The following LCA5L variants were observed in gnomAD, a reference collection of about 807,000 sequenced individuals.
The protein encoded by LCA5L is lebercilin-like protein.
Under a neutral mutation model 45.4 loss-of-function variants are expected in LCA5L, and 35 were observed. The ratio of observed to expected loss-of-function variants is 0.77; its 90% confidence interval spans 0.59 to 1.02. LCA5L has a LOEUF of 1.02. LCA5L is among the 50% of genes least tolerant of loss of function. The probability of loss-of-function intolerance (pLI) is 0.00; values close to 1 mark genes in which losing one functional copy is unlikely to be tolerated. For synonymous variants in LCA5L, 233 were observed against 264.7 expected (o/e 0.88, Z 1.16); for missense variants, 668 against 761.6 (o/e 0.88, Z 1.45).
chr21:39,405,756 G>A lies in LCA5L; in HGVS notation c.*126C>T, dbSNP rs1181915897. On this transcript the variant is annotated 3_prime_UTR_variant, in exon 11 of 11. Coordinates refer to ENST00000288350, the MANE Select transcript of LCA5L (RefSeq NM_152505.4). Reference sequence around the variant, plus strand: ...GCAATCAAACAAAAATTTAATTATCGAAAGTCAATTAAGTACTAAAACACA... The same window carrying A: ...GCAATCAAACAAAAATTTAATTATCAAAAGTCAATTAAGTACTAAAACACA... The A allele has an allele frequency of 4.7e-5, 30 of 633,338 alleles. No homozygotes were observed. Among genetic ancestry groups the A allele is most frequent in the South Asian group, 1.5e-4 (3 of 20,546 alleles). 39.2% of individuals were successfully genotyped at this position (633,338 alleles called of 1,614,324 possible).
rs572774636 is a variant in LCA5L at position 39,423,407 on chromosome 21, T to C, written c.406A>G (p.Arg136Gly). The C allele has an allele frequency of 6.2e-6, 10 of 1,605,486 alleles. No homozygotes were observed. In the South Asian group the frequency reaches 1.0e-4, roughly 16 times the overall value. The change falls in exon 6 of 11, where the codon AGA (arginine) becomes GGA (glycine). Residue 136 changes from arginine (R) to glycine (G), a missense_variant. Transcript: ENST00000288350. ...AGTATTCGATGAGCCATAGCATCTC[T>C]TCTTTGGGCAATCATATGGATTTGA... ...NSQIHMIAQRRDAMAHRILSA... is the reference protein window; with the variant it reads ...NSQIHMIAQRGDAMAHRILSA...
intron 2 of LCA5L, among the ~76,000 whole-genome samples, chr21:39,442,862 T>C (rs1003539576): frequency 3.9e-5 from 6 of 152,118 alleles, no homozygotes; most frequent in African/African-American, 7.2e-5. Context: ...ACTTAAAAGC[T>C]GTGCGTGTGA....
chr21:39,437,501 C>G (rs1204571639), intron 2 of LCA5L, among the ~76,000 whole-genome samples: 1 of 152,076 alleles, frequency 6.6e-6, no homozygotes, highest in East Asian at 1.9e-4. Flanking sequence ...ACTCCACTGC[C>G]CAGACTGGAG....
Position 39,409,225 on chromosome 21 carries a change from G to A in LCA5L, c.1282+754C>T, listed in dbSNP as rs1004246068. ...GCCACATGAAGACATAGTGAGAAGC[G>A]GGACATCTAAAGCCAGGAAGAGGGC... On this transcript the variant is annotated intron_variant, in intron 10 of 10. Transcript: ENST00000288350. This position sits in a 1 kb window ranked among gnomAD's most constrained non-coding sequence, Gnocchi z 4.2. 2.6e-5 allele frequency among the ~76,000 whole-genome samples: 4 copies of A among 152,128 alleles called. No individual in the cohort carries two copies. Among genetic ancestry groups the A allele is most frequent in the Non-Finnish European group, 5.9e-5 (4 of 68,018 alleles).
chr21:39,417,528 C>T (rs780231774), intron 7 of LCA5L, among the ~76,000 whole-genome samples: 1 of 152,130 alleles, frequency 6.6e-6, no homozygotes, highest in African/African-American at 2.4e-5. Flanking sequence ...ATTTCTATTG[C>T]TTCCTTTATC....
intron 5 of LCA5L, among the ~76,000 whole-genome samples, chr21:39,426,575 G>GA (rs2074746112): frequency 6.6e-6 from 1 of 152,160 alleles, no homozygotes; most frequent in Admixed American, 6.5e-5. Flanking sequence ...ACCCTTTAAT[G>GA]AAACTATATT....
intron 7 of LCA5L, among the ~76,000 whole-genome samples, chr21:39,414,784 G>A (rs974269599): frequency 1.3e-5 from 2 of 148,502 alleles, no homozygotes; most frequent in African/African-American, 5.0e-5. Flanking sequence ...GTGTGTCTGT[G>A]CATATTTTAC....
chr21:39,410,746 G>A (rs945956291), intron 8 of LCA5L: 12 of 450,034 alleles, frequency 2.7e-5, no homozygotes, highest in East Asian at 2.1e-4. Context: ...ATGCTGAAGC[G>A]CATGACCACT....
At chr21:39,423,567 TCCCATGCC>T in intron 5 of LCA5L, 77 bp from the exon 6 acceptor site, 1 of 1,300,762 alleles carries the variant, frequency 7.7e-7, no homozygotes, top group Non-Finnish European at 1.0e-6. Flanking sequence ...ATAATCTCTC[TCCCATGCC>T]CCCATGCACA....
At chr21:39,413,170 G>A (rs2040411403) in intron 7 of LCA5L, among the ~76,000 whole-genome samples, 1 of 152,170 alleles carries the variant, frequency 6.6e-6, no homozygotes, top group African/African-American at 2.4e-5. Context: ...CTAGTCACTC[G>A]TCAGGAGAAC....
rs760935683 is a variant in LCA5L at position 39,406,272 on chromosome 21, C to A, written c.1623G>T (p.Gly541=). The part of the protein sequence containing the change: ...ENLHHGLPAS[G]GPANAGNMRY... Reference sequence around the variant, plus strand: ...TCATGTTGCCGGCATTGGCTGGCCCCCCTGAAGCAGGAAGCCCATGATGCA... The same window carrying A: ...TCATGTTGCCGGCATTGGCTGGCCCACCTGAAGCAGGAAGCCCATGATGCA... Residue 541 remains glycine (G), a synonymous_variant, in exon 11 of 11, where the codon GGG becomes GGT. Coordinates refer to ENST00000288350, the MANE Select transcript of LCA5L (RefSeq NM_152505.4). The A allele has an allele frequency of 6.2e-7, 1 of 1,614,212 alleles. No homozygotes were observed. The highest frequency in any genetic ancestry group is 1.3e-5 in the African/African-American group (1 of 75,040).
chr21:39,423,629 G>T (rs1274518149), intron 5 of LCA5L, 139 bp from the exon 6 acceptor site: 2 of 628,150 alleles, frequency 3.2e-6, no homozygotes, highest in African/African-American at 1.9e-5. Flanking sequence ...ACTAGAAGGG[G>T]ACAAAACTAT....
In LCA5L at chr21:39,406,366, G is replaced by C. The variant is rs772543714; in HGVS notation, c.1529C>G (p.Thr510Ser). The part of the protein sequence containing the change: ...NGVDDTLGKG[T>S]APYTKGPLRQ... ...GAGGGGGCCTTTCGTGTAGGGAGCA[G>C]TGCCTTTGCCAAGTGTGTCATCCAC... Residue 510 changes from threonine (T) to serine (S), a missense_variant, in exon 11 of 11, where the codon ACT (threonine) becomes AGT (serine). By Grantham distance (58) the Thr-to-Ser change is moderately conservative. Transcript: ENST00000288350. The C allele has an allele frequency of 1.9e-6, 3 of 1,613,652 alleles. No individual in the cohort carries two copies. The highest frequency in any genetic ancestry group is 4.5e-5 in the East Asian group (2 of 44,844).
At chr21:39,406,867 G>T (rs1569057933) in intron 10 of LCA5L, 1 of 399,022 alleles carries the variant, frequency 2.5e-6, no homozygotes, top group Non-Finnish European at 4.4e-6. Flanking sequence ...CATAGAAGAA[G>T]AAATAAAATT....
intron 8 of LCA5L, chr21:39,410,715 T>TTATC: frequency 2.5e-6 from 1 of 396,338 alleles, no homozygotes; most frequent in Admixed American, 3.2e-5. Context: ...GAGCTCTTGA[T>TTATC]TATCAGTGGT....
chr21:39,444,564 C>A (rs2077231246), intron 1 of LCA5L: 1 of 151,928 alleles, frequency 6.6e-6, no homozygotes, highest in Non-Finnish European at 1.5e-5. Context: ...GGGGAAATAC[C>A]ATTAAGACTG....
Position 39,423,459 on chromosome 21 carries a change from G to T in LCA5L, c.354C>A (p.His118Gln). 1 of 1,569,772 alleles carries T rather than the reference G, an allele frequency of 6.4e-7. No homozygotes were observed. The highest frequency in any genetic ancestry group is 8.6e-7 in the Non-Finnish European group (1 of 1,164,844). The change falls in exon 6 of 11, where the codon CAC becomes CAA. Residue 118 changes from histidine (H) to glutamine (Q), a missense_variant. Coordinates refer to ENST00000288350, the MANE Select transcript of LCA5L (RefSeq NM_152505.4). The part of the protein sequence containing the change: ...GQKEISVEKK[H>Q]TWNASLFNSQ... ...AATTAAAGAGTGATGCATTCCAGGT[G>T]TGCTTTTTTTCAACTGATATTTCCT...
intron 10 of LCA5L, 103 bp from the exon 11 acceptor site, chr21:39,406,715 CTG>C: frequency 1.2e-6 from 1 of 850,572 alleles, no homozygotes; most frequent in Non-Finnish European, 1.8e-6. Context: ...CACAAGCACA[CTG>C]AAATGACAGA....
intron 7 of LCA5L, among the ~76,000 whole-genome samples, chr21:39,418,419 T>C (rs2041683808): frequency 6.6e-6 from 1 of 152,236 alleles, no homozygotes; most frequent in Non-Finnish European, 1.5e-5. Context: ...GATCTTACTG[T>C]ATATAGAATT....
Sources: gnomAD v4.1 joint callset for allele counts (sites outside exome capture counted in the v4.1 genomes callset) on GRCh38, gnomAD v4.1.1 for gene constraint, Gnocchi (gnomAD v3.1) non-coding constraint, MANE v1.5 for transcripts, NCBI Gene and HGNC (gene_info 2026-07-23, HGNC 2026-07-21) for gene names.